CSMD1: variants seen among roughly 807,000 people sequenced by gnomAD.
CSMD1 encodes the protein CUB and sushi domain-containing protein 1.
Under a neutral mutation model 417.5 loss-of-function variants are expected in CSMD1, and 213 were observed. That is an observed-to-expected ratio of 0.51 (90% CI 0.46 to 0.57). CSMD1 has a LOEUF of 0.57. Ranked by LOEUF, CSMD1 falls within the 20% of genes least tolerant of loss-of-function variation. The probability of loss-of-function intolerance (pLI) is 0.00; values close to 1 mark genes in which losing one functional copy is unlikely to be tolerated. For missense variants in CSMD1, 6,923 were observed against 4,529.7 expected (o/e 1.53, Z -15.17); for synonymous variants, 2,862 against 1,736.8 (o/e 1.65, Z -16.11).
chr8:3,493,873 T>C lies in CSMD1; in HGVS notation c.1345-147A>G, dbSNP rs897945326. Reference sequence around the variant, plus strand: ...CCCAGAGCTGCTTTAAGTAGTTACATGGATAATTATATATATTTGATAGCC... The same window carrying C: ...CCCAGAGCTGCTTTAAGTAGTTACACGGATAATTATATATATTTGATAGCC... On this transcript the variant is annotated intron_variant, in intron 10 of 69. Transcript: ENST00000635120. The C allele has an allele frequency of 1.6e-5, 9 of 564,260 alleles. No individual in the cohort carries two copies. In the Admixed American group the frequency reaches 3.0e-4, roughly 19 times the overall value. The allele number at this position is 564,260 out of a possible 1,614,324, so 35.0% of individuals were successfully genotyped here. A position where few individuals can be genotyped will look rare whatever the true frequency, so the allele number is the denominator to read the frequency against.
At chr8:3,556,451 T>C (rs903936032) in intron 10 of CSMD1, among the ~76,000 whole-genome samples, 1 of 138,852 alleles carries the variant, frequency 7.2e-6, no homozygotes, top group Non-Finnish European at 1.5e-5. Context: ...ATCCTGTGGG[T>C]TGAGATAATT....
intron 3 of CSMD1, among the ~76,000 whole-genome samples, chr8:4,272,416 A>C (rs138286644): frequency 6.6e-6 from 1 of 152,208 alleles, no homozygotes; most frequent in Non-Finnish European, 1.5e-5. Flanking sequence ...TGAGGATTAC[A>C]TATATCATAC....
intron 3 of CSMD1, among the ~76,000 whole-genome samples, chr8:4,410,587 TTTTG>T (rs916042484): frequency 2.0e-4 from 30 of 152,174 alleles, no homozygotes; most frequent in African/African-American, 6.0e-4. Flanking sequence ...AATGACCAAT[TTTTG>T]TTTTTCATTT....
chr8:4,264,517 G>A (rs1363411098), intron 3 of CSMD1, among the ~76,000 whole-genome samples: 2 of 152,122 alleles, frequency 1.3e-5, no homozygotes, highest in African/African-American at 4.8e-5. Context: ...CCCCCCTGAA[G>A]CTGAGAAGCT....
Position 3,450,757 on chromosome 8 carries a change from T to G in CSMD1, c.1561+17955A>C, listed in dbSNP as rs1815652664. ...GGTTCCAAGTCTTTGCTATTGTGAA[T>G]AGTGCCACAGTAAACATACGTGTGC... On this transcript the variant is annotated intron_variant, in intron 12 of 69. Transcript: ENST00000635120. 1.3e-5 allele frequency among the ~76,000 whole-genome samples: 2 copies of G among 152,094 alleles called. 1 individual carries two copies. Among genetic ancestry groups the G allele is most frequent in the Non-Finnish European group, 2.9e-5 (2 of 68,034 alleles).
chr8:3,622,286 G>C (rs1796290376), intron 7 of CSMD1, among the ~76,000 whole-genome samples: 1 of 152,174 alleles, frequency 6.6e-6, no homozygotes, highest in Admixed American at 6.6e-5. Context: ...CATTATTGCT[G>C]TGGCAAATTA....
At chr8:3,884,450 A>G (rs1806417612) in intron 5 of CSMD1, among the ~76,000 whole-genome samples, 1 of 152,176 alleles carries the variant, frequency 6.6e-6, no homozygotes, top group Admixed American at 6.5e-5. Flanking sequence ...GAGAACAAAA[A>G]TCTCAACTGC....
chr8:4,284,232 G>C (rs184660443), intron 3 of CSMD1, among the ~76,000 whole-genome samples: 1 of 152,134 alleles, frequency 6.6e-6, no homozygotes, highest in Non-Finnish European at 1.5e-5. Flanking sequence ...GCTGGGCGTG[G>C]TGGCACGTGC....
intron 36 of CSMD1, among the ~76,000 whole-genome samples, chr8:3,186,459 T>A (rs758113671): frequency 1.3e-5 from 2 of 152,134 alleles, no homozygotes; most frequent in Non-Finnish European, 2.9e-5. Flanking sequence ...GATGATAGAT[T>A]GGCACTTTAT....
intron 5 of CSMD1, among the ~76,000 whole-genome samples, chr8:3,767,094 C>G (rs1337660310): frequency 6.6e-6 from 1 of 152,210 alleles, no homozygotes. Flanking sequence ...CCACTTAAAC[C>G]TCACTCAAGT....
chr8:4,371,951 G>A (rs924935798), intron 3 of CSMD1, among the ~76,000 whole-genome samples: 19 of 152,284 alleles, frequency 1.2e-4, no homozygotes, highest in African/African-American at 4.1e-4. Context: ...TGGTAGCTCC[G>A]CTAATATAAA....
chr8:4,128,298 G>A (rs1289928186), intron 3 of CSMD1, among the ~76,000 whole-genome samples: 1 of 152,132 alleles, frequency 6.6e-6, no homozygotes, highest in African/African-American at 2.4e-5. Flanking sequence ...GAAGACTCGT[G>A]AATTACTACA....
chr8:4,205,865 A>C (rs1467354002), intron 3 of CSMD1, among the ~76,000 whole-genome samples: 3 of 152,174 alleles, frequency 2.0e-5, no homozygotes, highest in African/African-American at 7.2e-5. Flanking sequence ...AAAAAACAGA[A>C]AATGAACTTC....
At chr8:3,486,828 C>T (rs992677989) in intron 11 of CSMD1, among the ~76,000 whole-genome samples, 1 of 152,176 alleles carries the variant, frequency 6.6e-6, no homozygotes, top group Non-Finnish European at 1.5e-5. Context: ...AATGCTGAAG[C>T]CCAGTGGTTT....
intron 5 of CSMD1, among the ~76,000 whole-genome samples, chr8:3,931,202 C>T (rs1810113588): frequency 6.6e-6 from 1 of 150,628 alleles, no homozygotes; most frequent in Non-Finnish European, 1.5e-5. Context: ...TTTAGGAAGA[C>T]ACTAAATAAA....
chr8:3,772,396 C>CATATATTCATATATTTATATACAT (rs1246977888), intron 5 of CSMD1, among the ~76,000 whole-genome samples: 1 of 68,410 alleles, frequency 1.5e-5, no homozygotes. Context: ...TTTATATATA[C>CATATATTCATATATTTATATACAT]ACATATATAC....
intron 3 of CSMD1, among the ~76,000 whole-genome samples, chr8:4,273,446 T>C (rs809649): frequency 0.93 from 141,350 of 152,170 alleles, 66,508 homozygotes; most frequent in East Asian, 1. Context: ...TCTTCAACTC[T>C]GGGGTTTCAG....
chr8:4,007,902 TA>T (rs148416645), intron 4 of CSMD1, among the ~76,000 whole-genome samples: 11 of 152,020 alleles, frequency 7.2e-5, no homozygotes, highest in South Asian at 2.1e-4. Context: ...GAATGAGTGT[TA>T]AAAAAAAGTA....
chr8:3,910,958 T>C (rs1336694967), intron 5 of CSMD1, among the ~76,000 whole-genome samples: 1 of 152,212 alleles, frequency 6.6e-6, no homozygotes, highest in Non-Finnish European at 1.5e-5. Flanking sequence ...AGGAACGCTT[T>C]CTTGGGCATA....
Sources: gnomAD v4.1 joint callset for allele counts (sites outside exome capture counted in the v4.1 genomes callset) on GRCh38, gnomAD v4.1.1 for gene constraint, MANE v1.5 for transcripts, NCBI Gene and HGNC (gene_info 2026-07-23, HGNC 2026-07-21) for gene names.